FNBP1: variants seen among roughly 807,000 people sequenced by gnomAD.
FNBP1 encodes the protein formin binding protein 1, also known as formin-binding protein 1.
Under a neutral mutation model 90.6 loss-of-function variants are expected in FNBP1, and 26 were observed. That is an observed-to-expected ratio of 0.29 (90% CI 0.21 to 0.40). FNBP1 has a LOEUF of 0.40. Among genes scored for constraint, FNBP1 ranks in the 10% least tolerant of loss-of-function variants. The pLI, the probability that FNBP1 is intolerant of heterozygous loss-of-function variation, is 1.00. For missense variants in FNBP1, 635 were observed against 768.0 expected, an observed-to-expected ratio of 0.83 and a Z score of 2.05; for synonymous variants, 260 against 265.2, an observed-to-expected ratio of 0.98 and a Z score of 0.19.
intron 2 of FNBP1, among the ~76,000 whole-genome samples, chr9:129,994,250 C>T (rs1346307129): frequency 2.0e-5 from 3 of 152,218 alleles, no homozygotes; most frequent in Non-Finnish European, 4.4e-5. Flanking sequence ...GCAGATCCCA[C>T]CACATGCTAC....
At chr9:129,921,103 A>G (rs1276605918) in intron 10 of FNBP1, among the ~76,000 whole-genome samples, 1 of 152,180 alleles carries the variant, frequency 6.6e-6, no homozygotes, top group Non-Finnish European at 1.5e-5. Context: ...TTAACCTGAT[A>G]TGATAGATAG....
At position 129,936,102 on chromosome 9, in the gene FNBP1, G is replaced by T. The variant is rs2043417696; in HGVS notation, c.514-6407C>A. 2.6e-5 allele frequency among the ~76,000 whole-genome samples: 4 copies of T among 152,284 alleles called. No individual in the cohort carries two copies. In the South Asian group the frequency reaches 8.3e-4, roughly 32 times the overall value. Reference sequence around the variant, plus strand: ...AAAGCTGCTTTTCCTTTGTTGAAAGGATATAACAAATTATAAATGCCCACC... The same window carrying T: ...AAAGCTGCTTTTCCTTTGTTGAAAGTATATAACAAATTATAAATGCCCACC... On this transcript the variant is annotated intron_variant, in intron 6 of 16. Transcript: ENST00000446176.
chr9:129,951,962 C>T (rs1054026897), intron 6 of FNBP1, among the ~76,000 whole-genome samples: 1 of 151,184 alleles, frequency 6.6e-6, no homozygotes, highest in Non-Finnish European at 1.5e-5. Flanking sequence ...GAGGCCGAGG[C>T]GGGAGGATCA....
At chr9:129,915,513 G>A (rs1289670552) in intron 11 of FNBP1, among the ~76,000 whole-genome samples, 1 of 152,016 alleles carries the variant, frequency 6.6e-6, no homozygotes, top group African/African-American at 2.4e-5. Context: ...ACAGGCGCAC[G>A]CTGCCACGCC....
intron 1 of FNBP1, among the ~76,000 whole-genome samples, chr9:130,037,800 C>T (rs1023005682): frequency 1.2e-4 from 18 of 152,034 alleles, no homozygotes; most frequent in African/African-American, 4.4e-4. Context: ...TGCCGAAGTG[C>T]AGAAAGGTGT....
Position 129,900,988 on chromosome 9 carries a change from C to T in FNBP1, c.1429-441G>A, listed in dbSNP as rs1204970994. Among the ~76,000 whole-genome samples, 1 of 152,164 alleles carries T rather than the reference C, an allele frequency of 6.6e-6. No homozygotes were observed. Among genetic ancestry groups the T allele is most frequent in the East Asian group, 1.9e-4 (1 of 5,196 alleles). ...TTAAAGCAGTGACTCAGTTTGAAAG[C>T]CACACTTCCTATTTTTTAGGAGTGT... On this transcript the variant is annotated intron_variant, in intron 13 of 16. Coordinates refer to ENST00000446176, the MANE Select transcript of FNBP1 (RefSeq NM_015033.3). This position sits in a 1 kb window ranked among gnomAD's most constrained non-coding sequence, Gnocchi z 4.1.
chr9:129,927,842 T>G (rs1465334061), intron 7 of FNBP1, among the ~76,000 whole-genome samples: 1 of 149,770 alleles, frequency 6.7e-6, no homozygotes, highest in Non-Finnish European at 1.5e-5. Flanking sequence ...CAGGCTGGTC[T>G]CCAACTCCTT....
intron 16 of FNBP1, chr9:129,895,147 C>A (rs950219523): frequency 2.3e-6 from 1 of 442,506 alleles, no homozygotes; most frequent in African/African-American, 2.0e-5. Context: ...ATCAAGTGGT[C>A]AATTCACCAA....
In FNBP1 at chr9:129,937,178, G is replaced by A. The variant is rs111720997; in HGVS notation, c.514-7483C>T. Among the ~76,000 whole-genome samples, 1,103 of 151,570 alleles carry A rather than the reference G, an allele frequency of 7.3e-3. 12 individuals carry two copies. Among genetic ancestry groups the A allele is most frequent in the African/African-American group, 0.021 (868 of 41,298 alleles). ...GAGTGAGACTCTGTCTCAAGGGGGG[G>A]AAAAAAATAAAAGGAATCAAACGAA... is the stretch of plus-strand genomic sequence containing the variant. On this transcript the variant is annotated intron_variant, in intron 6 of 16. Coordinates refer to ENST00000446176, the MANE Select transcript of FNBP1 (RefSeq NM_015033.3).
intron 6 of FNBP1, among the ~76,000 whole-genome samples, chr9:129,955,004 A>G (rs546161357): frequency 6.6e-6 from 1 of 152,242 alleles, no homozygotes; most frequent in East Asian, 1.9e-4. Flanking sequence ...CAAAAAAAAA[A>G]AAATCATTCT....
chr9:129,932,184 C>T lies in FNBP1; in HGVS notation c.514-2489G>A, dbSNP rs925843869. On this transcript the variant is annotated intron_variant, in intron 6 of 16. Transcript: ENST00000446176. ...CGAGATCGCACCACTGCACTCCAGC[C>T]TGGGCGACTGAGCCAGACTATCTCT... Among the ~76,000 whole-genome samples the T allele has an allele frequency of 3.2e-4, 48 of 151,372 alleles. 1 individual carries two copies. Among genetic ancestry groups the T allele is most frequent in the Admixed American group, 2.6e-3 (40 of 15,166 alleles).
At chr9:130,024,778 G>A (rs2058179573) in intron 1 of FNBP1, among the ~76,000 whole-genome samples, 1 of 152,140 alleles carries the variant, frequency 6.6e-6, no homozygotes, top group Non-Finnish European at 1.5e-5. Flanking sequence ...TAAAGCACTT[G>A]ACTGCCTAAA....
chr9:130,026,952 C>T (rs1204099881), intron 1 of FNBP1, among the ~76,000 whole-genome samples: 1 of 149,666 alleles, frequency 6.7e-6, no homozygotes. Context: ...GGCAACAGAG[C>T]CAGACCCTGT....
chr9:129,915,160 TA>T (rs1406688507), intron 11 of FNBP1, among the ~76,000 whole-genome samples: 4 of 152,078 alleles, frequency 2.6e-5, no homozygotes, highest in African/African-American at 9.6e-5. Context: ...CGTCGCACCA[TA>T]AAGATTCCAC....
chr9:129,974,020 C>T (rs1008991999), intron 4 of FNBP1, among the ~76,000 whole-genome samples: 2 of 151,946 alleles, frequency 1.3e-5, no homozygotes, highest in South Asian at 4.1e-4. Context: ...GAAGGGGTTT[C>T]ATCACGTTGC....
chr9:129,941,649 G>A (rs1027976271), intron 6 of FNBP1, among the ~76,000 whole-genome samples: 1 of 152,132 alleles, frequency 6.6e-6, no homozygotes, highest in African/African-American at 2.4e-5. Flanking sequence ...ATTTTTTGTA[G>A]AGACAAGGTC....
At chr9:130,016,805 C>A (rs974588410) in intron 1 of FNBP1, among the ~76,000 whole-genome samples, 3 of 152,174 alleles carry the variant, frequency 2.0e-5, no homozygotes, top group Non-Finnish European at 4.4e-5. Flanking sequence ...GAAACTTCTA[C>A]TGAATTCTTT....
In FNBP1 at chr9:129,966,732, AAACAACAAC is replaced by A. The variant is rs550427768; in HGVS notation, c.346-8188_346-8180del. Reference sequence around the variant, plus strand: ...TGGGTGATGGAGCGAGACTCCGTCTAAACAACAACAACAACAACAACAACAACAACAAAA... The same window carrying A: ...TGGGTGATGGAGCGAGACTCCGTCTAAACAACAACAACAACAACAACAAAA... On this transcript the variant is annotated intron_variant, in intron 4 of 16. Coordinates refer to ENST00000446176, the MANE Select transcript of FNBP1 (RefSeq NM_015033.3). The surrounding 1 kb of genome is among the most constrained non-coding windows in gnomAD (Gnocchi z 4.3). 4.2e-4 allele frequency among the ~76,000 whole-genome samples: 64 copies of A among 151,134 alleles called. 1 individual carries two copies. Among genetic ancestry groups the A allele is most frequent in the Admixed American group, 2.5e-3 (37 of 15,074 alleles).
chr9:130,046,580 CAAAAAAAAAAAA>C (rs56392821), upstream of FNBP1, among the ~76,000 whole-genome samples: 1 of 66,790 alleles, frequency 1.5e-5, no homozygotes, highest in Non-Finnish European at 2.6e-5. Context: ...ACTAAAAATA[CAAAAAAAAAAAA>C]AAAAAAAAAA....
Sources: allele counts gnomAD v4.1 joint callset (sites outside exome capture counted in the v4.1 genomes callset), GRCh38; gene constraint gnomAD v4.1.1; non-coding constraint Gnocchi (gnomAD v3.1); transcripts MANE v1.5; gene names NCBI Gene and HGNC (gene_info 2026-07-23, HGNC 2026-07-21).